EYS: variants seen among roughly 807,000 people sequenced by gnomAD.
EYS encodes EGF-like photoreceptor maintenance factor, also known as protein eyes shut homolog.
A neutral mutation model predicts 282.1 loss-of-function variants in EYS; 250 were observed. The ratio of observed to expected loss-of-function variants is 0.89; its 90% CI spans 0.80 to 0.98. The LOEUF is 0.98. Ranked by LOEUF, EYS falls within the 50% of genes least tolerant of loss-of-function variation. EYS has a pLI of 0.00. For synonymous variants in EYS, 1,355 were observed against 1,282.9 expected, an observed-to-expected ratio of 1.06 and a Z score of -1.20; for missense variants, 4,016 against 3,709.0, an observed-to-expected ratio of 1.08 and a Z score of -2.15.
chr6:64,555,857 C>T (rs558243101), intron 26 of EYS, among the ~76,000 whole-genome samples: 3 of 151,942 alleles, frequency 2.0e-5, no homozygotes, highest in East Asian at 1.9e-4. Flanking sequence ...ATACTGTACA[C>T]ACCACAAGGA....
chr6:63,934,925 A>G (rs1765012706), intron 35 of EYS, among the ~76,000 whole-genome samples: 1 of 152,156 alleles, frequency 6.6e-6, no homozygotes. Flanking sequence ...ACAAAATAAA[A>G]ATAACAACAA....
chr6:63,998,899 T>G (rs1158282559), intron 34 of EYS, among the ~76,000 whole-genome samples, 176 bp downstream of exon 34: 1 of 152,068 alleles, frequency 6.6e-6, no homozygotes, highest in African/African-American at 2.4e-5. Context: ...CAGGCAACAT[T>G]AAATATATTT....
At chr6:63,882,924 A>C (rs964456771) in intron 35 of EYS, among the ~76,000 whole-genome samples, 2 of 152,158 alleles carry the variant, frequency 1.3e-5, no homozygotes, top group African/African-American at 2.4e-5. Context: ...GATTTGAAAA[A>C]CTATACAGAG....
intron 5 of EYS, among the ~76,000 whole-genome samples, chr6:65,447,055 A>G (rs578203892): frequency 6.6e-6 from 1 of 151,604 alleles, no homozygotes; most frequent in South Asian, 2.1e-4. Flanking sequence ...ATGTGAGAGG[A>G]AGTGTCTCCT....
chr6:64,923,837 G>A (rs1161995078), intron 15 of EYS, among the ~76,000 whole-genome samples: 1 of 152,222 alleles, frequency 6.6e-6, no homozygotes, highest in African/African-American at 2.4e-5. Flanking sequence ...TTCTCATGGT[G>A]TTGGGCAGCT....
chr6:64,826,007 G>T (rs963903870), intron 19 of EYS, among the ~76,000 whole-genome samples: 2 of 151,720 alleles, frequency 1.3e-5, no homozygotes, highest in Non-Finnish European at 2.9e-5. Context: ...ACATCTAAAA[G>T]AAATAATAGT....
intron 8 of EYS, among the ~76,000 whole-genome samples, chr6:65,368,557 C>G (rs998288508): frequency 5.9e-5 from 9 of 151,606 alleles, no homozygotes; most frequent in African/African-American, 1.2e-4. Flanking sequence ...ATGAGAATGA[C>G]TTAAACATGA....
At chr6:64,299,334 G>C (rs779468017) in intron 30 of EYS, among the ~76,000 whole-genome samples, 2 of 152,206 alleles carry the variant, frequency 1.3e-5, no homozygotes, top group Non-Finnish European at 2.9e-5. Context: ...GAGCCAGCTA[G>C]TCAGAGTGTG....
intron 22 of EYS, among the ~76,000 whole-genome samples, chr6:64,729,451 A>T (rs1771881979): frequency 6.6e-6 from 1 of 152,136 alleles, no homozygotes; most frequent in Admixed American, 6.5e-5. Context: ...GTGTGATTTG[A>T]CTTGGTCTCC....
chr6:63,725,348 G>A (rs72886320), intron 42 of EYS, among the ~76,000 whole-genome samples: 309 of 151,660 alleles, frequency 2.0e-3, no homozygotes, highest in Middle Eastern at 6.8e-3. Flanking sequence ...TCGTTGTACT[G>A]ATTATAAAAC....
intron 1 of EYS, among the ~76,000 whole-genome samples, chr6:65,662,378 G>C (rs192876650): frequency 6.6e-6 from 1 of 152,106 alleles, no homozygotes; most frequent in Non-Finnish European, 1.5e-5. Context: ...CATTAAGGAT[G>C]AGCTTGATAT....
intron 19 of EYS, among the ~76,000 whole-genome samples, chr6:64,834,109 T>C (rs140916186): frequency 2.0e-5 from 3 of 151,918 alleles, no homozygotes; most frequent in African/African-American, 4.8e-5. Flanking sequence ...GAGAAACCCT[T>C]TGGGAAAACA....
At chr6:65,179,809 A>G (rs891248849) in intron 12 of EYS, among the ~76,000 whole-genome samples, 21 of 152,196 alleles carry the variant, frequency 1.4e-4, no homozygotes, top group Middle Eastern at 3.4e-3. Flanking sequence ...AATCCTCAAT[A>G]AAATACTGGC....
At chr6:64,446,301 A>C (rs1775114687) in intron 26 of EYS, among the ~76,000 whole-genome samples, 1 of 152,198 alleles carries the variant, frequency 6.6e-6, no homozygotes, top group Admixed American at 6.5e-5. Flanking sequence ...AAAAATCAGG[A>C]ATCAATGAAC....
At chr6:64,899,094 G>A (rs1767566773) in intron 18 of EYS, among the ~76,000 whole-genome samples, 1 of 152,020 alleles carries the variant, frequency 6.6e-6, no homozygotes, top group Admixed American at 6.6e-5. Flanking sequence ...ACGCAACTCT[G>A]GACCAAGTGG....
chr6:65,065,602 G>A (rs773661497), intron 12 of EYS, among the ~76,000 whole-genome samples: 2 of 151,664 alleles, frequency 1.3e-5, no homozygotes, highest in Admixed American at 1.3e-4. Flanking sequence ...AGCCAGGATG[G>A]TCTCAATTCC....
chr6:65,666,101 G>A (rs7741090), intron 1 of EYS, among the ~76,000 whole-genome samples: 146,356 of 151,626 alleles, frequency 0.97, 70,800 homozygotes, highest in Non-Finnish European at 1. Flanking sequence ...GTGGTAATTT[G>A]GATTTATGTT....
intron 2 of EYS, among the ~76,000 whole-genome samples, chr6:65,524,305 G>C (rs953882649): frequency 6.6e-6 from 1 of 152,174 alleles, no homozygotes; most frequent in Non-Finnish European, 1.5e-5. Context: ...CATTTCAATG[G>C]AATAATTGTT....
At chr6:65,346,039 C>T (rs943101513) in intron 9 of EYS, among the ~76,000 whole-genome samples, 4 of 151,800 alleles carry the variant, frequency 2.6e-5, no homozygotes, top group Non-Finnish European at 5.9e-5. Flanking sequence ...CCTCACTCAG[C>T]TTTACAAACA....
Sources: gnomAD v4.1 joint callset for allele counts (sites outside exome capture counted in the v4.1 genomes callset) on GRCh38, gnomAD v4.1.1 for gene constraint, MANE v1.5 for transcripts, NCBI Gene and HGNC (gene_info 2026-07-23, HGNC 2026-07-21) for gene names.